The following MCTP1 variants were observed in gnomAD, a reference collection of about 807,000 sequenced individuals.
The protein encoded by MCTP1 is multiple C2 and transmembrane domain containing 1, also known as multiple C2 and transmembrane domain-containing protein 1.
In MCTP1, 69 loss-of-function variants were observed where a neutral mutation model predicts 120.6. That is an observed-to-expected ratio of 0.57 (90% CI 0.47 to 0.70). MCTP1 has a LOEUF of 0.70. Among genes scored for constraint, MCTP1 ranks in the 30% least tolerant of loss-of-function variants. The pLI is 0.00. For missense variants in MCTP1, 1,203 were observed against 1,248.8 expected, an observed-to-expected ratio of 0.96 and a Z score of 0.55; for synonymous variants, 529 against 493.1, an observed-to-expected ratio of 1.07 and a Z score of -0.96.
At chr5:94,950,239 C>G (rs1040181145) in intron 3 of MCTP1, among the ~76,000 whole-genome samples, 1 of 151,932 alleles carries the variant, frequency 6.6e-6, no homozygotes, top group African/African-American at 2.4e-5. Context: ...AATTGTCTTT[C>G]TCATATAGAA....
intron 1 of MCTP1, among the ~76,000 whole-genome samples, chr5:95,266,239 A>G (rs1044310504): frequency 6.6e-6 from 1 of 152,194 alleles, no homozygotes; most frequent in Non-Finnish European, 1.5e-5. Flanking sequence ...TCAGAGACTC[A>G]AGTTTTAACT....
chr5:94,960,728 T>C (rs1823920441), intron 2 of MCTP1, among the ~76,000 whole-genome samples: 1 of 152,170 alleles, frequency 6.6e-6, no homozygotes, highest in Non-Finnish European at 1.5e-5. Flanking sequence ...TGACACACCA[T>C]GTCACGACCG....
At chr5:94,874,547 A>G (rs1798407716) in intron 12 of MCTP1, among the ~76,000 whole-genome samples, 1 of 152,102 alleles carries the variant, frequency 6.6e-6, no homozygotes, top group South Asian at 2.1e-4. Flanking sequence ...AGTCTTCTCA[A>G]TTTTGGGTCT....
chr5:94,959,706 T>G (rs1402015403), intron 2 of MCTP1, among the ~76,000 whole-genome samples: 1 of 152,088 alleles, frequency 6.6e-6, no homozygotes, highest in Non-Finnish European at 1.5e-5. Flanking sequence ...GGAATACAAT[T>G]TAAAAGAGAT....
intron 2 of MCTP1, among the ~76,000 whole-genome samples, chr5:94,977,014 T>G (rs983411261): frequency 6.6e-6 from 1 of 152,004 alleles, no homozygotes; most frequent in Admixed American, 6.6e-5. Flanking sequence ...TATCCAAATC[T>G]GAAAAGGAGA....
chr5:94,945,437 C>A (rs32913), intron 3 of MCTP1, among the ~76,000 whole-genome samples: 97,939 of 152,080 alleles, frequency 0.64, 31,748 homozygotes, highest in East Asian at 0.78. Flanking sequence ...CAAATGACTG[C>A]AGAAATGTCT....
intron 19 of MCTP1, among the ~76,000 whole-genome samples, chr5:94,771,079 T>C (rs1389348970): frequency 1.3e-5 from 2 of 152,240 alleles, no homozygotes; most frequent in South Asian, 2.1e-4. Flanking sequence ...TGTAGAAGCT[T>C]GCTTTGGAAT....
intron 20 of MCTP1, among the ~76,000 whole-genome samples, chr5:94,713,769 T>C (rs981266408): frequency 6.6e-6 from 1 of 152,112 alleles, no homozygotes; most frequent in Non-Finnish European, 1.5e-5. Flanking sequence ...CACCTAGACA[T>C]GTGGAAATAT....
intron 1 of MCTP1, among the ~76,000 whole-genome samples, chr5:95,096,196 G>A (rs928910379): frequency 4.6e-5 from 7 of 152,190 alleles, no homozygotes; most frequent in African/African-American, 1.7e-4. Flanking sequence ...TGTGGAGACT[G>A]ACTTCTTGAG....
At chr5:94,932,744 C>A (rs1289601124) in intron 5 of MCTP1, among the ~76,000 whole-genome samples, 1 of 152,034 alleles carries the variant, frequency 6.6e-6, no homozygotes, top group African/African-American at 2.4e-5. Context: ...TGATTAACCT[C>A]TTTCCCCTCT....
chr5:95,060,550 G>A (rs935439198), intron 1 of MCTP1, among the ~76,000 whole-genome samples: 4 of 152,128 alleles, frequency 2.6e-5, no homozygotes, highest in African/African-American at 9.7e-5. Flanking sequence ...CCAAAGAAAG[G>A]AGTAATATGA....
chr5:95,247,103 C>T (rs530083137), intron 1 of MCTP1, among the ~76,000 whole-genome samples: 1 of 152,238 alleles, frequency 6.6e-6, no homozygotes, highest in African/African-American at 2.4e-5. Flanking sequence ...TCAACTTCTT[C>T]CTGGTTCAGT....
At chr5:94,932,129 G>T in intron 5 of MCTP1, 138 bp from the exon 6 acceptor site, 1 of 416,502 alleles carries the variant, frequency 2.4e-6, no homozygotes, top group Non-Finnish European at 4.3e-6. Context: ...CACAAAACTT[G>T]TTTGCCACGC....
At chr5:94,747,913 A>G (rs1355321731) in intron 19 of MCTP1, among the ~76,000 whole-genome samples, 1 of 152,084 alleles carries the variant, frequency 6.6e-6, no homozygotes, top group Non-Finnish European at 1.5e-5. Context: ...CAATGTGGTG[A>G]AATCCCGTCT....
intron 2 of MCTP1, among the ~76,000 whole-genome samples, chr5:94,998,966 C>T (rs1264679724): frequency 2.0e-5 from 3 of 152,182 alleles, no homozygotes; most frequent in African/African-American, 7.2e-5. Flanking sequence ...TCCCTGGAAG[C>T]CACATTTCTC....
intron 19 of MCTP1, among the ~76,000 whole-genome samples, chr5:94,764,019 C>T (rs1007571276): frequency 6.6e-6 from 1 of 152,108 alleles, no homozygotes; most frequent in African/African-American, 2.4e-5. Context: ...TTTTTGTTTA[C>T]ACTACATGTC....
intron 17 of MCTP1, among the ~76,000 whole-genome samples, chr5:94,845,991 C>A (rs906406803): frequency 1.3e-5 from 2 of 152,046 alleles, no homozygotes; most frequent in African/African-American, 4.8e-5. Context: ...ACTGAAAAGT[C>A]AAAAAATAAC....
intron 1 of MCTP1, among the ~76,000 whole-genome samples, chr5:95,028,915 A>T (rs1053774937): frequency 1.3e-5 from 2 of 152,200 alleles, no homozygotes; most frequent in Admixed American, 6.5e-5. Flanking sequence ...TAATCCCAGC[A>T]CTTTGGGAGA....
At chr5:94,981,653 G>A (rs930978723) in intron 2 of MCTP1, among the ~76,000 whole-genome samples, 2 of 152,070 alleles carry the variant, frequency 1.3e-5, no homozygotes, top group African/African-American at 4.8e-5. Flanking sequence ...AAGGCGTGGT[G>A]GTCAGAGGGT....
Sources: gnomAD v4.1 joint callset for allele counts (sites outside exome capture counted in the v4.1 genomes callset) on GRCh38, gnomAD v4.1.1 for gene constraint, MANE v1.5 for transcripts, NCBI Gene and HGNC (gene_info 2026-07-23, HGNC 2026-07-21) for gene names.